Variants in STARD13 observed in about 807,000 individuals in gnomAD.
The protein encoded by STARD13 is stAR-related lipid transfer protein 13.
Under a neutral mutation model 106.4 loss-of-function variants are expected in STARD13, and 62 were observed. The ratio of observed to expected loss-of-function variants is 0.58; its 90% CI spans 0.48 to 0.72. The LOEUF (loss-of-function observed/expected upper bound fraction) is 0.72. STARD13 is among the 30% of genes least tolerant of loss of function. The pLI, the probability that STARD13 is intolerant of heterozygous loss-of-function variation, is 0.00. For synonymous variants in STARD13, 565 were observed against 553.0 expected, an observed-to-expected ratio of 1.02 and a Z score of -0.31; for missense variants, 1,387 against 1,424.0, an observed-to-expected ratio of 0.97 and a Z score of 0.42.
At chr13:33,417,729 C>T in the STARD13 span, among the ~76,000 whole-genome samples, 4 of 152,126 alleles carry the variant, frequency 2.6e-5, no homozygotes, top group African/African-American at 9.7e-5. Context: ...TCCGTAGAGA[C>T]ACAAAGTAGA....
At chr13:33,383,185 G>GA in the STARD13 span, among the ~76,000 whole-genome samples, 1 of 152,288 alleles carries the variant, frequency 6.6e-6, no homozygotes, top group South Asian at 2.1e-4. Flanking sequence ...CACATGGGTA[G>GA]CGTATGCTTC....
upstream of STARD13, among the ~76,000 whole-genome samples, chr13:33,288,700 TC>T (rs1039335967): frequency 6.6e-6 from 1 of 151,998 alleles, no homozygotes; most frequent in African/African-American, 2.4e-5. Flanking sequence ...CTAGGAAGGA[TC>T]ACATATCAAC....
At chr13:33,643,315 T>A in the STARD13 span, among the ~76,000 whole-genome samples, 3 of 152,214 alleles carry the variant, frequency 2.0e-5, no homozygotes, top group Non-Finnish European at 2.9e-5. Context: ...CTGTTTTGCC[T>A]CCATAAGGGA....
chr13:33,415,091 G>A, the STARD13 span, among the ~76,000 whole-genome samples: 4 of 152,264 alleles, frequency 2.6e-5, no homozygotes, highest in South Asian at 2.1e-4. Context: ...ACCTGTCGCC[G>A]GGCATGGTGG....
chr13:33,213,439 C>A (rs1887839400), intron 1 of STARD13, among the ~76,000 whole-genome samples: 1 of 152,174 alleles, frequency 6.6e-6, no homozygotes, highest in South Asian at 2.1e-4. Context: ...CTCAGAAGGA[C>A]ATAAGGGATA....
chr13:33,206,887 A>G (rs1594106167), intron 1 of STARD13, among the ~76,000 whole-genome samples: 1 of 152,232 alleles, frequency 6.6e-6, no homozygotes, highest in African/African-American at 2.4e-5. Flanking sequence ...TAGGATTCAC[A>G]GTCACAGGAT....
At chr13:33,524,285 C>A in the STARD13 span, 1 of 1,280,696 alleles carries the variant, frequency 7.8e-7, no homozygotes. Flanking sequence ...GGCACACCAT[C>A]AAGATTCTGG....
the STARD13 span, among the ~76,000 whole-genome samples, chr13:33,468,968 T>A: frequency 5.3e-5 from 8 of 152,130 alleles, no homozygotes; most frequent in Admixed American, 5.2e-4. Flanking sequence ...GGAACTTACC[T>A]TCCTGAATAT....
the STARD13 span, among the ~76,000 whole-genome samples, chr13:33,368,145 C>T: frequency 6.6e-6 from 1 of 152,152 alleles, no homozygotes; most frequent in Non-Finnish European, 1.5e-5. Context: ...TCATATCTGC[C>T]TCCACTTCCT....
chr13:33,542,640 G>A, the STARD13 span, among the ~76,000 whole-genome samples: 1 of 152,210 alleles, frequency 6.6e-6, no homozygotes, highest in Non-Finnish European at 1.5e-5. Flanking sequence ...CCGCTCCGGG[G>A]CTCGTCGGTC....
In STARD13 at chr13:33,315,948, C is replaced by T. The variant is rs905637703; in HGVS notation, c.124+34342G>A. On this transcript the variant is annotated intron_variant, in intron 1 of 5. Coordinates refer to the STARD13 transcript ENST00000567873. ...ATGTTATAAATTTACCTTTAAGGTGCGCACAGGGGTTACTGTGTTGTCGTG... is the reference window on the plus strand; with the variant it reads ...ATGTTATAAATTTACCTTTAAGGTGTGCACAGGGGTTACTGTGTTGTCGTG... 5.3e-5 allele frequency among the ~76,000 whole-genome samples: 8 copies of T among 152,118 alleles called. No homozygotes were observed. In the South Asian group the frequency reaches 8.3e-4, roughly 16 times the overall value.
At chr13:33,663,790 G>A in the STARD13 span, among the ~76,000 whole-genome samples, 5 of 152,142 alleles carry the variant, frequency 3.3e-5, no homozygotes, top group African/African-American at 1.2e-4. Context: ...CTCTCAGATC[G>A]GGTTAGGACA....
the STARD13 span, chr13:33,654,948 G>A: frequency 6.6e-6 from 1 of 152,212 alleles, no homozygotes; most frequent in Non-Finnish European, 1.5e-5. Context: ...CGCACCTCAT[G>A]GTGTGACTTA....
the STARD13 span, among the ~76,000 whole-genome samples, chr13:33,604,039 G>T: frequency 6.6e-6 from 1 of 152,166 alleles, no homozygotes; most frequent in African/African-American, 2.4e-5. Flanking sequence ...TAGATAAAAA[G>T]CCAAGTAAAA....
the STARD13 span, among the ~76,000 whole-genome samples, chr13:33,462,216 T>A: frequency 3.9e-5 from 6 of 152,250 alleles, no homozygotes; most frequent in African/African-American, 1.4e-4. Flanking sequence ...GTCAACATTC[T>A]TTAAAGATTT....
At chr13:33,673,309 T>C in the STARD13 span, among the ~76,000 whole-genome samples, 1 of 152,210 alleles carries the variant, frequency 6.6e-6, no homozygotes, top group East Asian at 1.9e-4. Flanking sequence ...ATTCTAGGGC[T>C]GTGAGTACTG....
intron 1 of STARD13, among the ~76,000 whole-genome samples, chr13:33,187,882 C>T (rs536235468): frequency 1.2e-4 from 19 of 152,058 alleles, no homozygotes; most frequent in Non-Finnish European, 2.6e-4. Context: ...CAGGGTTTTG[C>T]TATGTTGGCT....
the STARD13 span, among the ~76,000 whole-genome samples, chr13:33,662,599 A>G: frequency 6.6e-6 from 1 of 152,210 alleles, no homozygotes; most frequent in Non-Finnish European, 1.5e-5. Flanking sequence ...TTTTCAGGCC[A>G]TGGTCACAAG....
the STARD13 span, among the ~76,000 whole-genome samples, chr13:33,462,696 C>T: frequency 3.3e-5 from 5 of 152,338 alleles, no homozygotes; most frequent in East Asian, 5.8e-4. Context: ...AAGCGTCCAG[C>T]ATGGGAGAAA....
Sources: allele counts gnomAD v4.1 joint callset (sites outside exome capture counted in the v4.1 genomes callset), GRCh38; gene constraint gnomAD v4.1.1; transcripts MANE v1.5; gene names NCBI Gene and HGNC (gene_info 2026-07-23, HGNC 2026-07-21).